Variants in PRKCE observed in about 807,000 individuals in gnomAD.
PRKCE encodes the protein protein kinase C epsilon type.
In PRKCE, 16 loss-of-function variants were observed where a neutral mutation model predicts 85.4. The ratio of observed to expected loss-of-function variants is 0.19; its 90% CI spans 0.13 to 0.28. The LOEUF (loss-of-function observed/expected upper bound fraction) is 0.28, where lower values mean the gene tolerates loss of function less well. Among genes scored for constraint, PRKCE ranks in the 10% least tolerant of loss-of-function variants. PRKCE has a pLI of 1.00. For synonymous variants in PRKCE, 388 were observed against 371.5 expected (o/e 1.04, Z -0.51); for missense variants, 573 against 975.2 (o/e 0.59, Z 5.49).
At chr2:45,814,334 T>A (rs1343847390) in intron 1 of PRKCE, among the ~76,000 whole-genome samples, 1 of 152,228 alleles carries the variant, frequency 6.6e-6, no homozygotes, top group African/African-American at 2.4e-5. Flanking sequence ...GATGCCCCGA[T>A]ACCCTTGCCT....
intron 10 of PRKCE, among the ~76,000 whole-genome samples, chr2:46,060,927 C>G (rs568705805): frequency 8.8e-4 from 133 of 151,140 alleles, no homozygotes; most frequent in African/African-American, 3.2e-3. Context: ...ACACCTGGCT[C>G]ATTTTTGTAA....
At chr2:45,949,886 GTT>G (rs35200982) in intron 2 of PRKCE, among the ~76,000 whole-genome samples, 1 of 71,010 alleles carries the variant, frequency 1.4e-5, no homozygotes, top group East Asian at 4.8e-4. Context: ...ATTCTTTGTT[GTT>G]TTTTTTTTTA....
At chr2:46,017,118 A>G (rs1488267539) in intron 10 of PRKCE, among the ~76,000 whole-genome samples, 3 of 152,014 alleles carry the variant, frequency 2.0e-5, no homozygotes, top group Admixed American at 6.5e-5. Context: ...GTGGTATTAA[A>G]TGCATTCATA....
chr2:45,684,639 G>T (rs1677153560), intron 1 of PRKCE, among the ~76,000 whole-genome samples: 1 of 152,220 alleles, frequency 6.6e-6, no homozygotes, highest in Admixed American at 6.5e-5. Flanking sequence ...AAGCTGAGTT[G>T]CTCTTTCTGG....
At chr2:46,087,570 C>T (rs1321515466) in intron 11 of PRKCE, among the ~76,000 whole-genome samples, 1 of 152,212 alleles carries the variant, frequency 6.6e-6, no homozygotes, top group Non-Finnish European at 1.5e-5. Context: ...TAATAAAGTC[C>T]ATACTTCCTA....
intron 1 of PRKCE, among the ~76,000 whole-genome samples, chr2:45,738,695 A>G (rs1337058380): frequency 6.6e-6 from 1 of 152,188 alleles, no homozygotes; most frequent in African/African-American, 2.4e-5. Flanking sequence ...TAAGGTGTGA[A>G]TAACTCTGAG....
At chr2:45,988,788 C>T (rs552925834) in intron 6 of PRKCE, among the ~76,000 whole-genome samples, 89 of 152,294 alleles carry the variant, frequency 5.8e-4, no homozygotes, top group African/African-American at 1.9e-3. Flanking sequence ...GGAGCAGCAT[C>T]GCTAGTCTCG....
chr2:45,977,788 A>G (rs1574091196), intron 3 of PRKCE, among the ~76,000 whole-genome samples: 1 of 152,152 alleles, frequency 6.6e-6, no homozygotes, highest in South Asian at 2.1e-4. Context: ...GTATGATTCT[A>G]CCCCTAGTAG....
chr2:45,723,193 T>C (rs6544848), intron 1 of PRKCE, among the ~76,000 whole-genome samples: 130,264 of 151,968 alleles, frequency 0.86, 56,149 homozygotes, highest in East Asian at 0.94. Flanking sequence ...TCTGCCCTCC[T>C]GGGACTTTCA....
chr2:46,180,989 C>T (rs950336787), intron 14 of PRKCE, among the ~76,000 whole-genome samples: 10 of 152,172 alleles, frequency 6.6e-5, no homozygotes, highest in African/African-American at 2.4e-4. Context: ...ACTGTCATCT[C>T]TCAGGCTCTG....
chr2:46,118,935 C>G (rs1437140454), intron 11 of PRKCE, among the ~76,000 whole-genome samples: 1 of 152,138 alleles, frequency 6.6e-6, no homozygotes, highest in Non-Finnish European at 1.5e-5. Context: ...ACAGATGGAG[C>G]AAAAGTTCCA....
Position 45,736,379 on chromosome 2 carries a change from G to A in PRKCE, c.348+83931G>A, listed in dbSNP as rs1005005569. Among the ~76,000 whole-genome samples, 5 of 152,260 alleles carry A rather than the reference G, an allele frequency of 3.3e-5. No homozygotes were observed. In the South Asian group the frequency reaches 1.0e-3, roughly 32 times the overall value. ...AGGCGGGAGTTGGAAGGCTGCTCTGGGTGAGAGCAGGGCTGGTGTTCCTGT... is the reference window on the plus strand; with the variant it reads ...AGGCGGGAGTTGGAAGGCTGCTCTGAGTGAGAGCAGGGCTGGTGTTCCTGT... On this transcript the variant is annotated intron_variant, in intron 1 of 14. Coordinates refer to ENST00000306156, the MANE Select transcript of PRKCE (RefSeq NM_005400.3).
intron 2 of PRKCE, among the ~76,000 whole-genome samples, chr2:45,874,212 A>G (rs1040110068): frequency 1.3e-5 from 2 of 152,200 alleles, no homozygotes; most frequent in African/African-American, 2.4e-5. Flanking sequence ...TCAGAGGCCT[A>G]TGTGGGAGTC....
chr2:45,822,047 G>A (rs1007221838), intron 1 of PRKCE, among the ~76,000 whole-genome samples: 1 of 152,164 alleles, frequency 6.6e-6, no homozygotes, highest in South Asian at 2.1e-4. Flanking sequence ...CGGCTGAAGG[G>A]CCTGGGAGAG....
intron 1 of PRKCE, among the ~76,000 whole-genome samples, chr2:45,834,414 G>A (rs1469963999): frequency 6.6e-6 from 1 of 152,206 alleles, no homozygotes; most frequent in Non-Finnish European, 1.5e-5. Flanking sequence ...TTTTTAACAA[G>A]TTAGCTCAGA....
chr2:45,657,322 C>T (rs1675424814), intron 1 of PRKCE, among the ~76,000 whole-genome samples: 1 of 152,196 alleles, frequency 6.6e-6, no homozygotes, highest in Admixed American at 6.5e-5. Flanking sequence ...TACCATCTAC[C>T]ACTTTCATGA....
chr2:46,150,080 A>G (rs191691617), intron 12 of PRKCE, among the ~76,000 whole-genome samples: 83 of 152,070 alleles, frequency 5.5e-4, no homozygotes, highest in African/African-American at 2.0e-3. Context: ...GAAGTCCTGG[A>G]CTCAAGTGAT....
intron 6 of PRKCE, among the ~76,000 whole-genome samples, chr2:45,992,396 G>T (rs965183849): frequency 1.3e-5 from 2 of 152,142 alleles, no homozygotes; most frequent in African/African-American, 4.8e-5. Flanking sequence ...TCTCTTTCTG[G>T]TGATGACATT....
intron 10 of PRKCE, among the ~76,000 whole-genome samples, chr2:46,050,232 G>A (rs536109555): frequency 6.6e-6 from 1 of 152,328 alleles, no homozygotes; most frequent in Admixed American, 6.5e-5. Context: ...GCCAAGACTC[G>A]AGCACTGGTA....
Sources: gnomAD v4.1 joint callset for allele counts (sites outside exome capture counted in the v4.1 genomes callset) on GRCh38, gnomAD v4.1.1 for gene constraint, MANE v1.5 for transcripts, NCBI Gene and HGNC (gene_info 2026-07-23, HGNC 2026-07-21) for gene names.